The following RPS6KA2 variants were observed in gnomAD, a reference collection of about 807,000 sequenced individuals.
RPS6KA2 encodes the protein ribosomal protein S6 kinase A2.
In RPS6KA2, 42 loss-of-function variants were observed where a neutral mutation model predicts 91.8. The observed-to-expected ratio is 0.46, with a 90% CI of 0.36 to 0.59. RPS6KA2 has a LOEUF of 0.59. Ranked by LOEUF, RPS6KA2 falls within the 20% of genes least tolerant of loss-of-function variation. The pLI is 0.00. For missense variants in RPS6KA2, 798 were observed against 978.5 expected (o/e 0.82, Z 2.46); for synonymous variants, 414 against 393.6 (o/e 1.05, Z -0.61).
In RPS6KA2 at chr6:166,618,642, T is replaced by C. The variant is rs1295126846; in HGVS notation, c.99+8279A>G. On this transcript the variant is annotated intron_variant, in intron 1 of 20. Transcript: ENST00000265678. ...GATAGTAAAATGAAAACACGGGCACTACTCTATAACTCCCATGGCAATTCG... is the reference window on the plus strand; with the variant it reads ...GATAGTAAAATGAAAACACGGGCACCACTCTATAACTCCCATGGCAATTCG... Among the ~76,000 whole-genome samples, 3 of 152,226 alleles carry C rather than the reference T, an allele frequency of 2.0e-5. No individual in the cohort carries two copies. In the East Asian group the frequency reaches 5.8e-4, roughly 29 times the overall value.
rs149985149 is a variant in RPS6KA2 at position 166,626,293 on chromosome 6, T to C, written c.99+628A>G. ...AAAGGACAGGGCTTTGGGAGTACTC[T>C]GGGTTTTCAGGACGAATCTGTATCA... On this transcript the variant is annotated intron_variant, in intron 1 of 20. Transcript: ENST00000265678. The surrounding 1 kb of genome is among the most constrained non-coding windows in gnomAD (Gnocchi z 4.1). Among the ~76,000 whole-genome samples the C allele has an allele frequency of 3.3e-5, 5 of 152,360 alleles. No homozygotes were observed. The East Asian group carries it at 9.6e-4, about 29-fold the overall frequency.
At chr6:166,815,783 CA>C in intron 2 of RPS6KA2, among the ~76,000 whole-genome samples, 1 of 152,258 alleles carries the variant, frequency 6.6e-6, no homozygotes, top group Middle Eastern at 3.4e-3. Context: ...AGAATGAACA[CA>C]AAAGTTTTGA....
Position 166,827,723 on chromosome 6 carries a change from T to C in RPS6KA2, c.123+30477A>G, listed in dbSNP as rs1583160044. Among the ~76,000 whole-genome samples, 3 of 152,218 alleles carry C rather than the reference T, an allele frequency of 2.0e-5. No individual in the cohort carries two copies. The South Asian group carries it at 6.2e-4, about 32-fold the overall frequency. ...AAGAGATGGGAAGTGAATTAGACTG[T>C]CTGTTGTAATCAGAATACGATGTGT... On this transcript the variant is annotated intron_variant, in intron 2 of 21. Coordinates refer to the RPS6KA2 transcript ENST00000503859.
rs1778309922 is a variant in RPS6KA2 at position 166,411,664 on chromosome 6, C to T, written c.*1098G>A. 1 of 153,000 alleles carries T rather than the reference C, an allele frequency of 6.5e-6. No individual in the cohort carries two copies. The allele number at this position is 153,000 out of a possible 1,614,324, so 9.5% of individuals were successfully genotyped here. ...ACGCAACACAAAGCCACAGCATCTACAAAGTGCATCGCTCCTGTCCACGCT... is the reference window on the plus strand; with the variant it reads ...ACGCAACACAAAGCCACAGCATCTATAAAGTGCATCGCTCCTGTCCACGCT... On this transcript the variant is annotated 3_prime_UTR_variant, in exon 21 of 21. Transcript: ENST00000265678. The surrounding 1 kb of genome is among the most constrained non-coding windows in gnomAD (Gnocchi z 4.5).
At chr6:166,807,870 T>A (rs895126244) in intron 2 of RPS6KA2, among the ~76,000 whole-genome samples, 1 of 152,046 alleles carries the variant, frequency 6.6e-6, no homozygotes, top group Non-Finnish European at 1.5e-5. Context: ...CAGTCCCCCT[T>A]ATCCTGCCGC....
At chr6:166,798,131 C>A (rs767188985) in intron 2 of RPS6KA2, among the ~76,000 whole-genome samples, 2 of 152,206 alleles carry the variant, frequency 1.3e-5, no homozygotes, top group Non-Finnish European at 2.9e-5. Context: ...CACCATTCGC[C>A]CTCAGTGTTT....
chr6:166,415,678 C>T (rs768866695), intron 19 of RPS6KA2, among the ~76,000 whole-genome samples: 8 of 152,128 alleles, frequency 5.3e-5, no homozygotes, highest in African/African-American at 1.4e-4. Context: ...CCAGCACCCA[C>T]GTCCTAGTCT....
chr6:166,683,393 T>C (rs544969286), intron 2 of RPS6KA2, among the ~76,000 whole-genome samples: 1 of 152,348 alleles, frequency 6.6e-6, no homozygotes, highest in South Asian at 2.1e-4. Flanking sequence ...AGCAAAGTGT[T>C]TGCTCCCCAT....
intron 13 of RPS6KA2, among the ~76,000 whole-genome samples, chr6:166,449,537 T>C (rs2128454768): frequency 6.6e-6 from 1 of 152,248 alleles, no homozygotes; most frequent in East Asian, 1.9e-4. Flanking sequence ...ATTATGAAAA[T>C]ACCACCTTCC....
intron 7 of RPS6KA2, among the ~76,000 whole-genome samples, chr6:166,499,920 C>T (rs553058931): frequency 2.0e-5 from 3 of 149,568 alleles, no homozygotes; most frequent in African/African-American, 5.0e-5. Flanking sequence ...AACAGACTAA[C>T]ACAGGGACTT....
intron 10 of RPS6KA2, among the ~76,000 whole-genome samples, chr6:166,473,195 ATT>A (rs11305958): frequency 7.4e-4 from 110 of 149,274 alleles, no homozygotes; most frequent in African/African-American, 2.5e-3. Flanking sequence ...CTGTGAATGG[ATT>A]TTTTTTTTTA....
At chr6:166,513,499 A>T (rs771807739) in intron 3 of RPS6KA2, among the ~76,000 whole-genome samples, 1 of 152,228 alleles carries the variant, frequency 6.6e-6, no homozygotes. Context: ...AAGAGGAAAC[A>T]TGCTCACTGC....
In RPS6KA2 at chr6:166,856,257, G is replaced by A. The variant is rs1274147861; in HGVS notation, c.123+1943C>T. ...ACTGTGGGAGGTGATTAGGTCTTGA[G>A]GGTGGACTTCTCATGAATGGGATTA... is the stretch of plus-strand genomic sequence containing the variant. On this transcript the variant is annotated intron_variant, in intron 2 of 21. Transcript: ENST00000503859. 3.9e-5 allele frequency among the ~76,000 whole-genome samples: 6 copies of A among 152,166 alleles called. 1 individual carries two copies. In the East Asian group the frequency reaches 1.2e-3, roughly 29 times the overall value.
At chr6:166,599,021 C>T (rs1412496330) in intron 1 of RPS6KA2, among the ~76,000 whole-genome samples, 4 of 152,114 alleles carry the variant, frequency 2.6e-5, no homozygotes, top group Non-Finnish European at 1.5e-5. Flanking sequence ...GTCCCAGGTT[C>T]GGTGATCAAA....
At chr6:166,838,273 C>T (rs563780505) in intron 2 of RPS6KA2, among the ~76,000 whole-genome samples, 34 of 152,368 alleles carry the variant, frequency 2.2e-4, no homozygotes, top group African/African-American at 8.2e-4. Flanking sequence ...TGGTCAGCCT[C>T]TAACTTACAA....
At chr6:166,492,963 C>T (rs1009053352) in intron 8 of RPS6KA2, among the ~76,000 whole-genome samples, 37 of 150,546 alleles carry the variant, frequency 2.5e-4, no homozygotes, top group Non-Finnish European at 7.4e-5. Context: ...AACTCCTGAC[C>T]TCAAGTGATC....
In RPS6KA2 at chr6:166,418,455, C is replaced by T. The variant is rs188702081; in HGVS notation, c.1821-113G>A. ...CAAAGGAATAGCACTTTGCTTCTCC[C>T]TCCTCTGCTCTGAAGCCAGGATTCA... On this transcript the variant is annotated intron_variant, in intron 18 of 20. Coordinates refer to ENST00000265678, the MANE Select transcript of RPS6KA2 (RefSeq NM_021135.6). This position sits in a 1 kb window ranked among gnomAD's most constrained non-coding sequence, Gnocchi z 4.9. 6.4e-6 allele frequency: 5 copies of T among 775,888 alleles called. No homozygotes were observed. In the African/African-American group the frequency reaches 7.0e-5, roughly 11 times the overall value. The allele number at this position is 775,888 out of a possible 1,614,324, so 48.1% of individuals were successfully genotyped here. A position where few individuals can be genotyped will look rare whatever the true frequency, so the allele number is the denominator to read the frequency against.
chr6:166,604,061 T>C (rs143412488), intron 1 of RPS6KA2, among the ~76,000 whole-genome samples: 2 of 151,850 alleles, frequency 1.3e-5, no homozygotes, highest in Admixed American at 1.3e-4. Flanking sequence ...TTAAGAAGAG[T>C]TCCATCCTGA....
chr6:166,548,597 T>C (rs751804655), intron 1 of RPS6KA2, among the ~76,000 whole-genome samples: 2 of 152,214 alleles, frequency 1.3e-5, no homozygotes, highest in African/African-American at 2.4e-5. Context: ...GGCAGCCTTT[T>C]TGACGAATGA....
Sources: gnomAD v4.1 joint callset for allele counts (sites outside exome capture counted in the v4.1 genomes callset) on GRCh38, gnomAD v4.1.1 for gene constraint, Gnocchi (gnomAD v3.1) non-coding constraint, MANE v1.5 for transcripts, NCBI Gene and HGNC (gene_info 2026-07-23, HGNC 2026-07-21) for gene names.